NBPF3: variants seen among roughly 807,000 people sequenced by gnomAD.
The protein encoded by NBPF3 is NBPF family member NBPF3.
Under a neutral mutation model 78.1 loss-of-function variants are expected in NBPF3, and 57 were observed. That is an observed-to-expected ratio of 0.73 (90% confidence interval 0.59 to 0.91). The LOEUF (loss-of-function observed/expected upper bound fraction) is 0.91. Among genes scored for constraint, NBPF3 ranks in the 40% least tolerant of loss-of-function variants. NBPF3 has a pLI of 0.00. For missense variants in NBPF3, 510 were observed against 715.3 expected (o/e 0.71, Z 3.27); for synonymous variants, 182 against 271.7 (o/e 0.67, Z 3.25).
At chr1:21,475,088 T>C in intron 8 of NBPF3, 137 bp downstream of exon 8, 1 of 750,812 alleles carries the variant, frequency 1.3e-6, no homozygotes, top group Non-Finnish European at 2.2e-6. Context: ...AACAATGTTG[T>C]ACATTATTTG....
At chr1:21,467,007 C>T (rs1420924563) in intron 2 of NBPF3, 1 of 984,690 alleles carries the variant, frequency 1.0e-6, no homozygotes, top group African/African-American at 1.7e-5. Flanking sequence ...GCTGAAAACT[C>T]ACCCCTGTGT....
At position 21,468,886 on chromosome 1, in the gene NBPF3, A is replaced by C; in HGVS notation, c.332A>C (p.Gln111Pro). ...TQVAYFLANR[Q>P]NNYDYEDCKD... ...GTGGCCTACTTCCTGGCCAACCGGC[A>C]AAATAATTACGGTAAGTTCTATAGG... The change falls in exon 3 of 15, where the codon CAA (glutamine) becomes CCA (proline). Residue 111 changes from glutamine (Q) to proline (P), a missense_variant. Gln to Pro is a moderately conservative substitution (Grantham distance 76). Coordinates refer to ENST00000318249, the MANE Select transcript of NBPF3 (RefSeq NM_032264.6). The C allele has an allele frequency of 6.2e-7, 1 of 1,613,680 alleles. No individual in the cohort carries two copies. Among genetic ancestry groups the C allele is most frequent in the Non-Finnish European group, 8.5e-7 (1 of 1,179,588 alleles).
chr1:21,459,886 G>A (rs1016812050), intron 2 of NBPF3: 19 of 226,192 alleles, frequency 8.4e-5, no homozygotes, highest in South Asian at 3.8e-4. Context: ...TTCTGGCCCC[G>A]CAGTGTCAGC....
At chr1:21,446,446 T>TTTCCTTCCTTGCTTCC (rs1640975239) in intron 2 of NBPF3, 1 of 104,744 alleles carries the variant, frequency 9.5e-6, no homozygotes, top group Non-Finnish European at 2.0e-5. Context: ...AATTTGTTCA[T>TTTCCTTCCTTGCTTCC]TTCCTTCCTT....
intron 3 of NBPF3, 121 bp from the exon 4 acceptor site, chr1:21,470,511 G>A (rs930991584): frequency 2.2e-5 from 15 of 676,874 alleles, no homozygotes; most frequent in African/African-American, 9.0e-5. Context: ...AAATCCCTAC[G>A]TAGAGCCTGG....
At chr1:21,455,165 A>G (rs1293911955) in intron 2 of NBPF3, among the ~76,000 whole-genome samples, 3 of 152,252 alleles carry the variant, frequency 2.0e-5, no homozygotes, top group Admixed American at 1.3e-4. Context: ...CTCTCCAGGA[A>G]GTCCTCAGTC....
chr1:21,483,261 A>C lies in NBPF3; in HGVS notation c.1777A>C (p.Ser593Arg). Residue 593 changes from serine (S) to arginine (R), a missense_variant, in exon 15 of 15, where the codon AGT becomes CGT. Coordinates refer to ENST00000318249, the MANE Select transcript of NBPF3 (RefSeq NM_032264.6). The part of the protein sequence containing the change: ...QLHASFQQYR[S>R]AFYSFEEQDV... ...ACATGCCTCATTCCAGCAGTATAGA[A>C]GTGCCTTTTACTCATTTGAGGAACA... 7.3e-7 allele frequency: 1 copy of C among 1,364,980 alleles called. No individual in the cohort carries two copies. Among genetic ancestry groups the C allele is most frequent in the Non-Finnish European group, 9.8e-7 (1 of 1,020,954 alleles). 84.6% of individuals were successfully genotyped at this position (1,364,980 alleles called of 1,614,324 possible). A position where few individuals can be genotyped will look rare whatever the true frequency, so the allele number is the denominator to read the frequency against.
Position 21,473,547 on chromosome 1 carries a change from C to T in NBPF3, c.902C>T (p.Ser301Phe). 6.2e-7 allele frequency: 1 copy of T among 1,614,170 alleles called. No homozygotes were observed. The highest frequency in any genetic ancestry group is 8.5e-7 in the Non-Finnish European group (1 of 1,179,990). ...QVDSTLIDSS[S>F]HDEWLDAVCI... ...GACTCAACTCTCATTGACTCATCCT[C>T]TCATGATGAATGGTTGGATGCTGTA... The change falls in exon 7 of 15, where the codon TCT becomes TTT. Residue 301 changes from serine (S) to phenylalanine (F), a missense_variant. Transcript: ENST00000318249.
intron 1 of NBPF3, chr1:21,440,840 T>C (rs534662775): frequency 1.3e-5 from 2 of 152,428 alleles, no homozygotes; most frequent in Admixed American, 1.3e-4. Flanking sequence ...AGGATGCACA[T>C]GAGGAGCGTT....
At chr1:21,473,945 G>A (rs1461508304) in intron 7 of NBPF3, among the ~76,000 whole-genome samples, 2 of 152,178 alleles carry the variant, frequency 1.3e-5, no homozygotes, top group African/African-American at 4.8e-5. Context: ...TAAGGCGACT[G>A]GCAGCCTTGC....
At position 21,468,559 on chromosome 1, in the gene NBPF3, C is replaced by T. The variant is rs1017061302; in HGVS notation, c.134-129C>T. The T allele has an allele frequency of 2.4e-5, 38 of 1,564,112 alleles. No individual in the cohort carries two copies. In the African/African-American group the frequency reaches 3.4e-4, roughly 14 times the overall value. On this transcript the variant is annotated intron_variant, in intron 2 of 14. Transcript: ENST00000318249. ...TGTCGTTAAGGATCCTAAAGTGCTG[C>T]GGGGACTGATCACATTTTTCTCAAC... is the stretch of plus-strand genomic sequence containing the variant.
chr1:21,452,692 T>C (rs1209909767), intron 2 of NBPF3, among the ~76,000 whole-genome samples: 3 of 152,188 alleles, frequency 2.0e-5, no homozygotes, highest in Non-Finnish European at 4.4e-5. Flanking sequence ...TTTGGGAAAA[T>C]GAGCAGCTGA....
chr1:21,449,901 A>AT, intron 2 of NBPF3: 1 of 574,628 alleles, frequency 1.7e-6, no homozygotes, highest in Non-Finnish European at 2.2e-6. Flanking sequence ...TGAGGGCAAT[A>AT]TTTTTACTGT....
chr1:21,475,091 A>G, intron 8 of NBPF3, 140 bp downstream of exon 8: 1 of 731,274 alleles, frequency 1.4e-6, no homozygotes, highest in Non-Finnish European at 2.3e-6. Flanking sequence ...AATGTTGTAC[A>G]TTATTTGTGG....
intron 1 of NBPF3, among the ~76,000 whole-genome samples, chr1:21,442,834 G>A (rs1464553871): frequency 1.4e-4 from 22 of 151,952 alleles, no homozygotes; most frequent in East Asian, 9.6e-4. Context: ...GCTAATTTTC[G>A]TATTTTTTGT....
chr1:21,478,026 A>C (rs528935638), intron 8 of NBPF3, 118 bp from the exon 9 acceptor site: 148 of 1,602,322 alleles, frequency 9.2e-5, no homozygotes, highest in South Asian at 6.6e-4. Flanking sequence ...TGAAGGAAAA[A>C]TGCCTTTGGT....
In NBPF3 at chr1:21,472,455, C is replaced by T. The variant is rs561998995; in HGVS notation, c.662-388C>T. Among the ~76,000 whole-genome samples, 4 of 152,300 alleles carry T rather than the reference C, an allele frequency of 2.6e-5. No individual in the cohort carries two copies. The East Asian group carries it at 7.7e-4, about 29-fold the overall frequency. Reference sequence around the variant, plus strand: ...TCCTGATGCATAGAGGACTGTAGGGCAAGTTTGTCCTCTCCTAAGAGAAAG... The same window carrying T: ...TCCTGATGCATAGAGGACTGTAGGGTAAGTTTGTCCTCTCCTAAGAGAAAG... On this transcript the variant is annotated intron_variant, in intron 5 of 14. Transcript: ENST00000318249.
chr1:21,445,205 TGC>T lies in NBPF3; in HGVS notation c.121_122del (p.Asp42SerfsTer25). The T allele has an allele frequency of 6.2e-7, 1 of 1,611,752 alleles. No individual in the cohort carries two copies. On this transcript the variant is annotated frameshift_variant, in exon 2 of 15. Transcript: ENST00000318249. LOFTEE classifies it high-confidence loss of function. Reference sequence around the variant, plus strand: ...CATGGTGTGGGCCGACATCAAGAGCTGCGAGATCCAACAGGTAAAAATCCCGA... The same window carrying T: ...CATGGTGTGGGCCGACATCAAGAGCTGAGATCCAACAGGTAAAAATCCCGA...
chr1:21,471,066 C>T (rs1195609716), intron 4 of NBPF3, among the ~76,000 whole-genome samples: 1 of 114,970 alleles, frequency 8.7e-6, no homozygotes. Flanking sequence ...CCCACTCACC[C>T]TTAGTCAGAA....
Sources: allele counts gnomAD v4.1 joint callset (sites outside exome capture counted in the v4.1 genomes callset), GRCh38; gene constraint gnomAD v4.1.1; transcripts MANE v1.5; gene names NCBI Gene and HGNC (gene_info 2026-07-23, HGNC 2026-07-21).